GRM7: variants seen among roughly 807,000 people sequenced by gnomAD.
GRM7 encodes glutamate metabotropic receptor 7.
Under a neutral mutation model 84.5 loss-of-function variants are expected in GRM7, and 35 were observed. The observed-to-expected ratio is 0.41, with a 90% CI of 0.32 to 0.55. GRM7 has a LOEUF of 0.55. Ranked by LOEUF, GRM7 falls within the 20% of genes least tolerant of loss-of-function variation. The pLI, the probability that GRM7 is intolerant of heterozygous loss-of-function variation, is 0.19. For missense variants in GRM7, 1,003 were observed against 1,194.6 expected (o/e 0.84, Z 2.36); for synonymous variants, 487 against 455.1 (o/e 1.07, Z -0.89).
chr3:7,204,654 G>A (rs541890103), intron 2 of GRM7, among the ~76,000 whole-genome samples: 2 of 152,302 alleles, frequency 1.3e-5, no homozygotes. Flanking sequence ...GAAATAGGAA[G>A]ACCTGGGTAA....
At chr3:7,048,131 A>G (rs931520070) in intron 1 of GRM7, among the ~76,000 whole-genome samples, 3 of 151,958 alleles carry the variant, frequency 2.0e-5, no homozygotes, top group African/African-American at 7.2e-5. Context: ...TTGATTTCCT[A>G]TATTTTTAAT....
intron 1 of GRM7, among the ~76,000 whole-genome samples, chr3:7,012,662 C>A (rs751726421): frequency 6.6e-6 from 1 of 152,086 alleles, no homozygotes; most frequent in Non-Finnish European, 1.5e-5. Context: ...AGAAAAGGAA[C>A]GTCCTTACCT....
chr3:7,698,809 C>G (rs909210156), intron 9 of GRM7, among the ~76,000 whole-genome samples: 2 of 152,174 alleles, frequency 1.3e-5, no homozygotes, highest in African/African-American at 4.8e-5. Context: ...CCCCGGGCTA[C>G]TACATGATGG....
At chr3:7,067,335 G>T (rs936797074) in intron 1 of GRM7, among the ~76,000 whole-genome samples, 8 of 151,910 alleles carry the variant, frequency 5.3e-5, no homozygotes, top group Non-Finnish European at 1.0e-4. Context: ...CTGGATACAA[G>T]ATTAATGTAC....
chr3:7,584,810 C>T (rs148723186), intron 8 of GRM7, among the ~76,000 whole-genome samples: 1,586 of 152,166 alleles, frequency 0.01, 13 homozygotes, highest in South Asian at 0.026. Context: ...TTTTGTGTTA[C>T]GTTGTTTTGT....
At chr3:7,462,809 T>G (rs1301788557) in intron 7 of GRM7, among the ~76,000 whole-genome samples, 1 of 152,026 alleles carries the variant, frequency 6.6e-6, no homozygotes, top group Non-Finnish European at 1.5e-5. Flanking sequence ...GCACTAAAAT[T>G]GGGTCCAAAA....
At chr3:7,331,266 A>G (rs779041059) in intron 4 of GRM7, among the ~76,000 whole-genome samples, 1 of 152,362 alleles carries the variant, frequency 6.6e-6, no homozygotes, top group African/African-American at 2.4e-5. Context: ...CAAAAACATT[A>G]TAGAGTAGAG....
rs189487125 is a variant in GRM7 at position 7,412,765 on chromosome 3, C to A, written c.1034-2258C>A. 4.8e-4 allele frequency among the ~76,000 whole-genome samples: 73 copies of A among 151,262 alleles called. 1 individual carries two copies. Among genetic ancestry groups the A allele is most frequent in the African/African-American group, 1.7e-3 (69 of 40,592 alleles). On this transcript the variant is annotated intron_variant, in intron 4 of 9. Coordinates refer to ENST00000357716, the MANE Select transcript of GRM7 (RefSeq NM_000844.4). The stretch of plus-strand genomic sequence containing the variant: ...AAATTTATCTGTCTAATAAAAGGAA[C>A]AATTTCATAATAAAAATACCATCTG...
chr3:7,433,459 T>G (rs909379346), intron 5 of GRM7, among the ~76,000 whole-genome samples: 5 of 152,210 alleles, frequency 3.3e-5, no homozygotes, highest in Admixed American at 1.3e-4. Context: ...GCACAATAAC[T>G]GAGTCTTCAG....
intron 1 of GRM7, among the ~76,000 whole-genome samples, chr3:7,084,718 C>G (rs1698384124): frequency 6.6e-6 from 1 of 151,968 alleles, no homozygotes; most frequent in Non-Finnish European, 1.5e-5. Context: ...TGGAGTCACT[C>G]TTTAATAAAT....
intron 5 of GRM7, among the ~76,000 whole-genome samples, chr3:7,433,109 A>G (rs1696898514): frequency 6.6e-6 from 1 of 152,214 alleles, no homozygotes; most frequent in African/African-American, 2.4e-5. Context: ...GTGAAAATGC[A>G]TGACTCTGAA....
intron 1 of GRM7, among the ~76,000 whole-genome samples, chr3:7,001,271 G>A (rs367930732): frequency 4.5e-4 from 69 of 152,220 alleles, no homozygotes; most frequent in African/African-American, 1.4e-3. Context: ...GACCACTTGA[G>A]CCTGGAAGGT....
chr3:7,250,278 A>G (rs1219134216), intron 2 of GRM7, among the ~76,000 whole-genome samples: 1 of 152,138 alleles, frequency 6.6e-6, no homozygotes, highest in Non-Finnish European at 1.5e-5. Context: ...ATTCCTTATA[A>G]TTAGTAATAA....
chr3:7,700,601 G>A (rs1701192163), intron 9 of GRM7, among the ~76,000 whole-genome samples: 1 of 152,092 alleles, frequency 6.6e-6, no homozygotes, highest in Non-Finnish European at 1.5e-5. Flanking sequence ...CCTGTAATAT[G>A]TGCTTTGTTC....
intron 1 of GRM7, among the ~76,000 whole-genome samples, chr3:6,948,238 G>T (rs1698166470): frequency 6.6e-6 from 1 of 152,078 alleles, no homozygotes; most frequent in Non-Finnish European, 1.5e-5. Context: ...GTGTCCCAGA[G>T]ATTCTGGTAT....
At chr3:7,438,014 C>T (rs1192069178) in intron 5 of GRM7, among the ~76,000 whole-genome samples, 3 of 151,762 alleles carry the variant, frequency 2.0e-5, no homozygotes, top group African/African-American at 2.4e-5. Context: ...AGAAGGAATA[C>T]GGCTCTAAGA....
chr3:7,644,194 G>A (rs1020531207), intron 8 of GRM7, among the ~76,000 whole-genome samples: 16 of 7,652 alleles, frequency 2.1e-3, no homozygotes, highest in Middle Eastern at 0.17. Flanking sequence ...ATGTCTGTAC[G>A]TATATATATA....
At chr3:7,730,796 A>G (rs957884747) in intron 9 of GRM7, among the ~76,000 whole-genome samples, 3 of 152,198 alleles carry the variant, frequency 2.0e-5, no homozygotes, top group African/African-American at 7.2e-5. Context: ...AATATGCTCC[A>G]GATTGCTTGC....
At chr3:7,032,032 G>A (rs189420652) in intron 1 of GRM7, among the ~76,000 whole-genome samples, 1 of 152,276 alleles carries the variant, frequency 6.6e-6, no homozygotes, top group African/African-American at 2.4e-5. Context: ...TCCAACGGAA[G>A]GATTTGTAGA....
Sources: allele counts gnomAD v4.1 joint callset (sites outside exome capture counted in the v4.1 genomes callset), GRCh38; gene constraint gnomAD v4.1.1; transcripts MANE v1.5; gene names NCBI Gene and HGNC (gene_info 2026-07-23, HGNC 2026-07-21).